IL12RB2: variants seen among roughly 807,000 people sequenced by gnomAD.
IL12RB2 encodes the protein interleukin 12 receptor subunit beta 2, also known as interleukin-12 receptor subunit beta-2.
A neutral mutation model predicts 89.4 loss-of-function variants in IL12RB2; 82 were observed. The observed-to-expected ratio is 0.92, with a 90% CI of 0.77 to 1.10. The LOEUF (loss-of-function observed/expected upper bound fraction) is 1.10, where lower values mean the gene tolerates loss of function less well. Ranked by LOEUF, IL12RB2 falls within the 50% of genes least tolerant of loss-of-function variation. IL12RB2 has a pLI of 0.00. For synonymous variants in IL12RB2, 368 were observed against 370.1 expected, an observed-to-expected ratio of 0.99 and a Z score of 0.07; for missense variants, 963 against 1,031.9, an observed-to-expected ratio of 0.93 and a Z score of 0.92.
chr1:67,344,199 A>T (rs1351476312), intron 9 of IL12RB2, among the ~76,000 whole-genome samples: 3 of 152,246 alleles, frequency 2.0e-5, no homozygotes, highest in Non-Finnish European at 4.4e-5. Context: ...ACGGAAATAT[A>T]AGCAAGCCAC....
intron 9 of IL12RB2, among the ~76,000 whole-genome samples, chr1:67,345,316 G>A (rs993667320): frequency 2.0e-5 from 3 of 152,168 alleles, no homozygotes; most frequent in Non-Finnish European, 2.9e-5. Flanking sequence ...AGCAAGCCCC[G>A]TATACCAATT....
At chr1:67,366,704 T>C (rs766999404) in intron 10 of IL12RB2, among the ~76,000 whole-genome samples, 2 of 152,154 alleles carry the variant, frequency 1.3e-5, no homozygotes, top group Non-Finnish European at 2.9e-5. Flanking sequence ...TGCATATATA[T>C]CCAGAAACAC....
rs1208139573 is a variant in IL12RB2 at position 67,396,621 on chromosome 1, T to G, written c.*532T>G. On this transcript the variant is annotated 3_prime_UTR_variant, in exon 17 of 17. Transcript: ENST00000674203. Reference sequence around the variant, plus strand: ...TCACTTGGAATGTGTTTAGCTTGACTGAGGAATTAAATTTTGATTGTAAAT... The same window carrying G: ...TCACTTGGAATGTGTTTAGCTTGACGGAGGAATTAAATTTTGATTGTAAAT... The G allele has an allele frequency of 1.2e-5, 2 of 166,926 alleles. No homozygotes were observed. Among genetic ancestry groups the G allele is most frequent in the African/African-American group, 4.8e-5 (2 of 41,828 alleles). 10.3% of individuals were successfully genotyped at this position (166,926 alleles called of 1,614,324 possible).
chr1:67,396,146 A>AAT lies in IL12RB2; in HGVS notation c.*58_*59dup. 2.0e-6 allele frequency: 2 copies of AAT among 1,012,914 alleles called. No individual in the cohort carries two copies. Among genetic ancestry groups the AAT allele is most frequent in the Non-Finnish European group, 3.1e-6 (2 of 639,264 alleles). The allele number at this position is 1,012,914 out of a possible 1,614,324, so 62.7% of individuals were successfully genotyped here. A position where few individuals can be genotyped will look rare whatever the true frequency, so the allele number is the denominator to read the frequency against. On this transcript the variant is annotated 3_prime_UTR_variant, in exon 17 of 17. Transcript: ENST00000674203. ...GCCCTCAACCAGCACAGCCTGCCCC[A>AAT]ATTCCCCCAGCCCCTGCTCCAGCAG...
chr1:67,322,412 A>G lies in IL12RB2; in HGVS notation c.364+523A>G, dbSNP rs556881518. Among the ~76,000 whole-genome samples, 8 of 143,928 alleles carry G rather than the reference A, an allele frequency of 5.6e-5. No homozygotes were observed. In the East Asian group the frequency reaches 1.4e-3, roughly 26 times the overall value. 94.4% of individuals were successfully genotyped at this position (143,928 alleles called of 152,430 possible). On this transcript the variant is annotated intron_variant, in intron 4 of 16. Coordinates refer to ENST00000674203, the MANE Select transcript of IL12RB2 (RefSeq NM_001374259.2). ...TGATCATACTTACTATCTTTTCCTC[A>G]GTTCTCTAGGAAACTGACTCCAGCA... is the stretch of plus-strand genomic sequence containing the variant.
chr1:67,361,328 G>C (rs1662017306), intron 10 of IL12RB2, among the ~76,000 whole-genome samples: 1 of 152,088 alleles, frequency 6.6e-6, no homozygotes, highest in Non-Finnish European at 1.5e-5. Context: ...AACCATACTT[G>C]GATATGGCAG....
intron 8 of IL12RB2, among the ~76,000 whole-genome samples, chr1:67,338,393 C>A (rs1569883293): frequency 9.8e-6 from 1 of 102,014 alleles, no homozygotes; most frequent in African/African-American, 3.1e-5. Context: ...GAAACAAATT[C>A]CTCATCATTT....
In IL12RB2 at chr1:67,391,648, T is replaced by C. The variant is rs560980405; in HGVS notation, c.2046+1520T>C. Among the ~76,000 whole-genome samples the C allele has an allele frequency of 2.6e-5, 4 of 151,670 alleles. No individual in the cohort carries two copies. The South Asian group carries it at 8.3e-4, about 31-fold the overall frequency. ...TCTCTATGAGGTCGTATGATTTTTT[T>C]TTTTTTGAGACAGAGTCTTGTTCTG... is the stretch of plus-strand genomic sequence containing the variant. On this transcript the variant is annotated intron_variant, in intron 16 of 16. Coordinates refer to ENST00000674203, the MANE Select transcript of IL12RB2 (RefSeq NM_001374259.2).
At position 67,395,668 on chromosome 1, in the gene IL12RB2, G is replaced by C. The variant is rs571475933; in HGVS notation, c.2168G>C (p.Cys723Ser). 1.9e-6 allele frequency: 3 copies of C among 1,614,156 alleles called. No individual in the cohort carries two copies. Among genetic ancestry groups the C allele is most frequent in the East Asian group, 2.2e-5 (1 of 44,878 alleles). Residue 723 changes from cysteine (C) to serine (S), a missense_variant, in exon 17 of 17, where the codon TGC (cysteine) becomes TCC (serine). By Grantham distance (112) the Cys-to-Ser change is moderately radical. Transcript: ENST00000674203. ...ACCCCAGTTTTCAGACATCCCCCCT[G>C]CTCCAACTGGCCACAAAGGGAAAAA... ...QVTPVFRHPPCSNWPQREKGI... is the reference protein window; with the variant it reads ...QVTPVFRHPPSSNWPQREKGI...
chr1:67,325,251 G>GTGT (rs894704564), intron 4 of IL12RB2, among the ~76,000 whole-genome samples: 1 of 152,202 alleles, frequency 6.6e-6, no homozygotes, highest in African/African-American at 2.4e-5. Context: ...CAGTGGTTTT[G>GTGT]TGTTGTTGTT....
At chr1:67,311,535 A>T (rs1012714316) in intron 1 of IL12RB2, among the ~76,000 whole-genome samples, 3 of 152,248 alleles carry the variant, frequency 2.0e-5, no homozygotes, top group Non-Finnish European at 4.4e-5. Context: ...ATTTGACCAA[A>T]TATTAACAAC....
At chr1:67,367,661 T>C (rs186110060) in intron 10 of IL12RB2, among the ~76,000 whole-genome samples, 164 bp from the exon 11 acceptor site, 1 of 152,370 alleles carries the variant, frequency 6.6e-6, no homozygotes, top group East Asian at 1.9e-4. Context: ...CTCCATGAAC[T>C]GAGAAATGAA....
At chr1:67,321,961 T>A in intron 4 of IL12RB2, 72 bp downstream of exon 4, 1 of 1,348,628 alleles carries the variant, frequency 7.4e-7, no homozygotes, top group Non-Finnish European at 1.1e-6. Flanking sequence ...TATTTGGTGT[T>A]AAACAGAAAC....
chr1:67,367,208 C>T (rs531895798), intron 10 of IL12RB2, among the ~76,000 whole-genome samples: 235 of 151,296 alleles, frequency 1.6e-3, no homozygotes, highest in African/African-American at 5.2e-3. Flanking sequence ...GCCTGGGCAA[C>T]GTAGCAAGAC....
chr1:67,324,658 C>G (rs543676320), intron 4 of IL12RB2, among the ~76,000 whole-genome samples: 3 of 151,730 alleles, frequency 2.0e-5, no homozygotes, highest in African/African-American at 7.2e-5. Context: ...GCCCAGGACT[C>G]TAACTTTTAA....
At chr1:67,326,179 A>T (rs72931067) in intron 4 of IL12RB2, among the ~76,000 whole-genome samples, 8,071 of 152,300 alleles carry the variant, frequency 0.053, 746 homozygotes, top group African/African-American at 0.19. Flanking sequence ...AGCAAATATC[A>T]GGTGAAGAAA....
chr1:67,342,782 CAG>C (rs1659802641), intron 9 of IL12RB2, among the ~76,000 whole-genome samples: 2 of 120,088 alleles, frequency 1.7e-5, no homozygotes, highest in Non-Finnish European at 3.5e-5. Context: ...TTTTTTGAGA[CAG>C]GGTGTCATTC....
intron 16 of IL12RB2, among the ~76,000 whole-genome samples, chr1:67,394,706 C>G (rs909506341): frequency 6.6e-6 from 1 of 152,182 alleles, no homozygotes; most frequent in Non-Finnish European, 1.5e-5. Flanking sequence ...GTGACCGCCT[C>G]CTATTTCTGA....
At position 67,345,548 on chromosome 1, in the gene IL12RB2, A is replaced by G. The variant is rs17838047; in HGVS notation, c.1039-5322A>G. 9.3e-3 allele frequency among the ~76,000 whole-genome samples: 1,419 copies of G among 152,338 alleles called. 21 individuals carry two copies. Among genetic ancestry groups the G allele is most frequent in the African/African-American group, 0.032 (1,348 of 41,570 alleles). ...TTATATTGATGTAGGACAAAGGTCT[A>G]TTGTAAATCCCTAGTGAGGATTGGC... On this transcript the variant is annotated intron_variant, in intron 9 of 16. Coordinates refer to ENST00000674203, the MANE Select transcript of IL12RB2 (RefSeq NM_001374259.2).
Sources: gnomAD v4.1 joint callset for allele counts (sites outside exome capture counted in the v4.1 genomes callset) on GRCh38, gnomAD v4.1.1 for gene constraint, MANE v1.5 for transcripts, NCBI Gene and HGNC (gene_info 2026-07-23, HGNC 2026-07-21) for gene names.